Variants in PIAS2 observed in about 807,000 individuals in gnomAD.
The protein encoded by PIAS2 is protein inhibitor of activated STAT 2, also known as E3 SUMO-protein ligase PIAS2.
In PIAS2, 19 loss-of-function variants were observed where a neutral mutation model predicts 69.7. That is an observed-to-expected ratio of 0.27 (90% CI 0.19 to 0.40). The LOEUF (loss-of-function observed/expected upper bound fraction) is 0.40, where lower values mean the gene tolerates loss of function less well. PIAS2 is among the 10% of genes least tolerant of loss of function. The pLI is 1.00. For missense variants in PIAS2, 624 were observed against 757.0 expected, an observed-to-expected ratio of 0.82 and a Z score of 2.06; for synonymous variants, 261 against 263.2, an observed-to-expected ratio of 0.99 and a Z score of 0.08.
chr18:46,850,888 C>G (rs1425066195), intron 5 of PIAS2, among the ~76,000 whole-genome samples: 2 of 152,190 alleles, frequency 1.3e-5, no homozygotes, highest in African/African-American at 2.4e-5. Context: ...AAATGATTCT[C>G]TTCCTTCATC....
chr18:46,864,434 G>C (rs1351801063), intron 2 of PIAS2, among the ~76,000 whole-genome samples, 186 bp from the exon 3 acceptor site: 2 of 152,026 alleles, frequency 1.3e-5, no homozygotes, highest in Non-Finnish European at 1.5e-5. Flanking sequence ...TCACTACAAA[G>C]GGGTTTCTTT....
chr18:46,844,677 A>G lies in PIAS2; in HGVS notation c.967+57T>C, dbSNP rs1301542112. On this transcript the variant is annotated intron_variant, in intron 7 of 13. Transcript: ENST00000585916. ...AATATTTAAAGCATTAAAGTATCTC[A>G]TATGCTCAATCTTTTTTTTTTTTTT... 6.4e-6 allele frequency: 4 copies of G among 623,232 alleles called. No homozygotes were observed. The African/African-American group carries it at 7.6e-5, about 12-fold the overall frequency. The allele number at this position is 623,232 out of a possible 1,614,324, so 38.6% of individuals were successfully genotyped here.
At chr18:46,866,911 G>A (rs1016539731) in intron 2 of PIAS2, among the ~76,000 whole-genome samples, 7 of 152,122 alleles carry the variant, frequency 4.6e-5, no homozygotes, top group African/African-American at 1.7e-4. Flanking sequence ...GTGAATTCAC[G>A]AATATAAATG....
chr18:46,856,100 G>A (rs2047766731), intron 3 of PIAS2, among the ~76,000 whole-genome samples: 1 of 143,040 alleles, frequency 7.0e-6, no homozygotes, highest in South Asian at 2.3e-4. Context: ...CCGCCTCCCG[G>A]GTTCACGCCA....
At chr18:46,815,707 A>C in intron 12 of PIAS2, 1 of 1,004,888 alleles carries the variant, frequency 1.0e-6, no homozygotes, top group Non-Finnish European at 1.2e-6. Context: ...AAAAAAAAAC[A>C]TACTTAAGCT....
rs1390410478 is a variant in PIAS2 at position 46,804,074 on chromosome 18, C to T, written c.*8359G>A. On this transcript the variant is annotated 3_prime_UTR_variant, in exon 14 of 14. Coordinates refer to ENST00000585916, the MANE Select transcript of PIAS2 (RefSeq NM_004671.5). ...TATATATTCCAAAGGTATTGAATTT[C>T]CAGTCAGCATAAGTCAAATGCAAAT... 6.6e-6 allele frequency: 1 copy of T among 152,178 alleles called. No homozygotes were observed. The highest frequency in any genetic ancestry group is 2.4e-5 in the African/African-American group (1 of 41,434). 9.4% of individuals were successfully genotyped at this position (152,178 alleles called of 1,614,324 possible).
At chr18:46,894,783 T>G (rs1052822395) in intron 1 of PIAS2, among the ~76,000 whole-genome samples, 3 of 151,932 alleles carry the variant, frequency 2.0e-5, no homozygotes, top group Admixed American at 6.6e-5. Flanking sequence ...AGAAAATACC[T>G]CATTAGGCTG....
chr18:46,822,513 CGAA>C (rs991666585), intron 11 of PIAS2, among the ~76,000 whole-genome samples: 13 of 152,084 alleles, frequency 8.5e-5, no homozygotes, highest in African/African-American at 3.1e-4. Context: ...CAGTGCTACT[CGAA>C]GACCTAAAAC....
At chr18:46,824,167 T>C (rs553858004) in intron 11 of PIAS2, among the ~76,000 whole-genome samples, 24 of 152,338 alleles carry the variant, frequency 1.6e-4, no homozygotes, top group African/African-American at 5.5e-4. Context: ...TAGCAAATAT[T>C]AGTATTCCGG....
chr18:46,861,245 TAAAC>T (rs1432003534), intron 3 of PIAS2, among the ~76,000 whole-genome samples: 2 of 151,642 alleles, frequency 1.3e-5, no homozygotes, highest in Non-Finnish European at 2.9e-5. Flanking sequence ...TCTCAAAAAA[TAAAC>T]AAACAAAATG....
intron 1 of PIAS2, among the ~76,000 whole-genome samples, chr18:46,902,295 G>T (rs945640069): frequency 6.6e-6 from 1 of 150,872 alleles, no homozygotes; most frequent in African/African-American, 2.4e-5. Flanking sequence ...GATGGCTCAC[G>T]CCTGTAATCT....
intron 8 of PIAS2, among the ~76,000 whole-genome samples, chr18:46,838,690 T>C (rs2044825556): frequency 6.6e-6 from 1 of 152,210 alleles, no homozygotes; most frequent in African/African-American, 2.4e-5. Flanking sequence ...GGCTTTTATA[T>C]AAATCTCATA....
chr18:46,856,130 C>G (rs1227722875), intron 3 of PIAS2, among the ~76,000 whole-genome samples: 1 of 151,090 alleles, frequency 6.6e-6, no homozygotes, highest in Non-Finnish European at 1.5e-5. Context: ...CTCAGCCTCC[C>G]GAGTAGCTGG....
At chr18:46,853,576 G>C (rs1366074939) in intron 5 of PIAS2, 1 of 152,338 alleles carries the variant, frequency 6.6e-6, no homozygotes, top group Non-Finnish European at 1.5e-5. Context: ...TGGATCACGA[G>C]GTCAGGAGTT....
rs2042783574 is a variant in PIAS2 at position 46,825,909 on chromosome 18, C to T, written c.1508+2050G>A. Among the ~76,000 whole-genome samples the T allele has an allele frequency of 3.9e-5, 6 of 152,352 alleles. 1 individual carries two copies. The South Asian group carries it at 1.2e-3, about 32-fold the overall frequency. ...AATATTAAAGCACTCCTGGGATAAA[C>T]TCTAGTTGGTCACAGATGTCATTTT... On this transcript the variant is annotated intron_variant, in intron 11 of 13. Coordinates refer to ENST00000585916, the MANE Select transcript of PIAS2 (RefSeq NM_004671.5).
intron 1 of PIAS2, chr18:46,891,582 A>G (rs2054082865): frequency 1.0e-5 from 6 of 581,924 alleles, no homozygotes; most frequent in Non-Finnish European, 1.3e-5. Context: ...CAATTCAAAC[A>G]TTAACAAACA....
chr18:46,855,654 A>G (rs1599785856), intron 3 of PIAS2, 39 bp from the exon 4 acceptor site: 1 of 1,489,054 alleles, frequency 6.7e-7, no homozygotes, highest in Non-Finnish European at 9.4e-7. Flanking sequence ...AAAAAGTACA[A>G]TGAGAATTCT....
chr18:46,870,825 T>C (rs1426643285), intron 2 of PIAS2, among the ~76,000 whole-genome samples: 1 of 152,020 alleles, frequency 6.6e-6, no homozygotes, highest in Non-Finnish European at 1.5e-5. Flanking sequence ...AACATCCTCC[T>C]GGCCAAAACA....
intron 11 of PIAS2, among the ~76,000 whole-genome samples, chr18:46,822,819 T>A (rs370240164): frequency 2.0e-5 from 3 of 152,254 alleles, no homozygotes; most frequent in East Asian, 3.9e-4. Flanking sequence ...ACTAAAGAAG[T>A]GGTCTGATTA....
Sources: allele counts gnomAD v4.1 joint callset (sites outside exome capture counted in the v4.1 genomes callset), GRCh38; gene constraint gnomAD v4.1.1; transcripts MANE v1.5; gene names NCBI Gene and HGNC (gene_info 2026-07-23, HGNC 2026-07-21).